The following NRG1 variants were observed in gnomAD, a reference collection of about 807,000 sequenced individuals.
NRG1 encodes pro-neuregulin-1, membrane-bound isoform.
In NRG1, 18 loss-of-function variants were observed where a neutral mutation model predicts 63.8. That is an observed-to-expected ratio of 0.28 (90% CI 0.19 to 0.42). The LOEUF (loss-of-function observed/expected upper bound fraction) is 0.42, where lower values mean the gene tolerates loss of function less well. Among genes scored for constraint, NRG1 ranks in the 10% least tolerant of loss-of-function variants. The pLI, the probability that NRG1 is intolerant of heterozygous loss-of-function variation, is 1.00. For synonymous variants in NRG1, 302 were observed against 301.3 expected (o/e 1.00, Z -0.02); for missense variants, 762 against 814.7 (o/e 0.94, Z 0.79).
chr8:31,972,906 A>C (rs1807538727), intron 1 of NRG1, among the ~76,000 whole-genome samples: 1 of 152,250 alleles, frequency 6.6e-6, no homozygotes. Flanking sequence ...CTGGTAAATT[A>C]AACTGTTTAA....
intron 1 of NRG1, among the ~76,000 whole-genome samples, chr8:31,947,306 CAAAAAAAAAAAA>C (rs61713691): frequency 2.3e-5 from 3 of 132,718 alleles, no homozygotes; most frequent in East Asian, 6.3e-4. Context: ...GACTCCGTCT[CAAAAAAAAAAAA>C]AAAAAAAAAA....
chr8:32,306,750 A>G (rs1006965048), intron 1 of NRG1, among the ~76,000 whole-genome samples: 14 of 152,194 alleles, frequency 9.2e-5, no homozygotes, highest in Non-Finnish European at 1.6e-4. Context: ...GAATTTTGTG[A>G]TCTTGTTCAT....
At chr8:32,331,791 G>A (rs1179309396) in intron 1 of NRG1, among the ~76,000 whole-genome samples, 3 of 152,086 alleles carry the variant, frequency 2.0e-5, no homozygotes, top group African/African-American at 7.2e-5. Context: ...AAACCTACAG[G>A]GGGAAGCATG....
chr8:31,871,151 G>T (rs1359443912), intron 1 of NRG1, among the ~76,000 whole-genome samples: 1 of 151,732 alleles, frequency 6.6e-6, no homozygotes, highest in East Asian at 1.9e-4. Context: ...CAATTTTTGT[G>T]TTTTTAGTAG....
At chr8:31,700,720 A>G (rs1810545828) in intron 1 of NRG1, among the ~76,000 whole-genome samples, 1 of 152,160 alleles carries the variant, frequency 6.6e-6, no homozygotes, top group Non-Finnish European at 1.5e-5. Flanking sequence ...AAATGAGATG[A>G]AGCACCATGG....
rs1054429050 is a variant in NRG1, at chr8:31,889,864, A to T, written c.37+250433A>T. On this transcript the variant is annotated intron_variant, in intron 1 of 10. Transcript: ENST00000519301. ...CCATGCAAGAGCTAAAGCAAAGCAC[A>T]TCTCGGAGAAGTGAGCCAGGAAAGT... is the stretch of plus-strand genomic sequence containing the variant. Among the ~76,000 whole-genome samples, 8 of 152,306 alleles carry T rather than the reference A, an allele frequency of 5.3e-5. No homozygotes were observed. In the South Asian group the frequency reaches 1.0e-3, roughly 20 times the overall value.
chr8:32,442,620 A>G (rs1428813383), intron 1 of NRG1: 1 of 152,248 alleles, frequency 6.6e-6, no homozygotes, highest in Non-Finnish European at 1.5e-5. Context: ...ATGCCATTTC[A>G]TAAAGCCTGT....
chr8:32,722,961 G>T (rs1037076058), intron 5 of NRG1, among the ~76,000 whole-genome samples: 2 of 152,020 alleles, frequency 1.3e-5, no homozygotes, highest in Admixed American at 6.6e-5. Context: ...TTCACATTTT[G>T]CAGAAGAATA....
chr8:32,077,665 T>C (rs765408065), intron 1 of NRG1, among the ~76,000 whole-genome samples: 1 of 152,208 alleles, frequency 6.6e-6, no homozygotes, highest in Non-Finnish European at 1.5e-5. Flanking sequence ...GTAGCTGAAA[T>C]AGTGTAATTT....
intron 1 of NRG1, among the ~76,000 whole-genome samples, chr8:32,249,092 C>G (rs1848849420): frequency 1.1e-5 from 1 of 87,004 alleles, no homozygotes; most frequent in Non-Finnish European, 2.3e-5. Context: ...AATAGAGCTC[C>G]TTTAAGAGAT....
chr8:32,471,253 A>C (rs982708186), intron 1 of NRG1, among the ~76,000 whole-genome samples: 1 of 152,220 alleles, frequency 6.6e-6, no homozygotes, highest in Non-Finnish European at 1.5e-5. Context: ...AACAACAATA[A>C]GATTCTTTAT....
chr8:32,127,994 C>T (rs1157293001), intron 1 of NRG1, among the ~76,000 whole-genome samples: 2 of 152,004 alleles, frequency 1.3e-5, no homozygotes, highest in African/African-American at 4.8e-5. Context: ...CTGGATGGCT[C>T]ATCTAATAAA....
intron 1 of NRG1, among the ~76,000 whole-genome samples, chr8:31,883,673 A>T (rs530339781): frequency 6.6e-6 from 1 of 152,196 alleles, no homozygotes; most frequent in Non-Finnish European, 1.5e-5. Flanking sequence ...TCTGAAATGA[A>T]ATGTTCTTAG....
intron 1 of NRG1, among the ~76,000 whole-genome samples, chr8:32,038,424 A>G (rs138427964): frequency 3.5e-4 from 53 of 151,896 alleles, no homozygotes; most frequent in African/African-American, 1.2e-3. Context: ...CTATTTGGCC[A>G]TCTTGGCTCA....
chr8:32,409,576 T>A (rs1814593330), intron 1 of NRG1, among the ~76,000 whole-genome samples: 1 of 152,144 alleles, frequency 6.6e-6, no homozygotes, highest in African/African-American at 2.4e-5. Context: ...AATGAGGACA[T>A]GAGCCAACAC....
At chr8:31,780,028 T>A (rs943375651) in intron 1 of NRG1, among the ~76,000 whole-genome samples, 2 of 152,210 alleles carry the variant, frequency 1.3e-5, no homozygotes, top group Non-Finnish European at 2.9e-5. Flanking sequence ...CCTGAGGCTC[T>A]CTGATACCCG....
Position 32,596,018 on chromosome 8 carries a change from C to T in NRG1, c.278+13C>T, listed in dbSNP as rs754004001. 2.5e-6 allele frequency: 4 copies of T among 1,603,872 alleles called. No homozygotes were observed. The highest frequency in any genetic ancestry group is 1.3e-5 in the African/African-American group (1 of 74,504). The stretch of plus-strand genomic sequence containing the variant: ...AAAAAAAGCCAGGGTAAGTATAATG[C>T]ATAAAATAGTAGAGACTGCCCCCAG... On this transcript the variant is annotated intron_variant, in intron 2 of 11. Coordinates refer to ENST00000356819, the Ensembl canonical transcript of NRG1.
intron 2 of NRG1, among the ~76,000 whole-genome samples, chr8:32,603,825 GTCTGGACCACC>G (rs1418720862): frequency 6.6e-6 from 1 of 152,080 alleles, no homozygotes; most frequent in Non-Finnish European, 1.5e-5. Flanking sequence ...ACTGCCCCTG[GTCTGGACCACC>G]TCTGATGGTC....
intron 1 of NRG1, among the ~76,000 whole-genome samples, chr8:32,054,858 T>C (rs1822600817): frequency 1.1e-5 from 1 of 89,248 alleles, no homozygotes; most frequent in East Asian, 5.4e-4. Flanking sequence ...CAGATTTCTT[T>C]CTTTCTTTTT....
Sources: gnomAD v4.1 joint callset for allele counts (sites outside exome capture counted in the v4.1 genomes callset) on GRCh38, gnomAD v4.1.1 for gene constraint, MANE v1.5 for transcripts, NCBI Gene and HGNC (gene_info 2026-07-23, HGNC 2026-07-21) for gene names.